Variants in DAAM1 observed in about 807,000 individuals in gnomAD.
DAAM1 encodes dishevelled associated activator of morphogenesis 1.
DAAM1 carries 52 observed loss-of-function variants against 130.0 expected under a neutral mutation model. The observed-to-expected ratio is 0.40, with a 90% confidence interval of 0.32 to 0.50. The LOEUF (loss-of-function observed/expected upper bound fraction) is 0.50, where lower values mean the gene tolerates loss of function less well. DAAM1 is among the 20% of genes least tolerant of loss of function. The pLI, the probability that DAAM1 is intolerant of heterozygous loss-of-function variation, is 0.61. For missense variants in DAAM1, 1,134 were observed against 1,303.8 expected, an observed-to-expected ratio of 0.87 and a Z score of 2.01; for synonymous variants, 452 against 444.5, an observed-to-expected ratio of 1.02 and a Z score of -0.21.
Position 59,370,421 on chromosome 14 carries a change from G to A in DAAM1, c.*1562G>A, listed in dbSNP as rs572427633. On this transcript the variant is annotated 3_prime_UTR_variant, in exon 25 of 25. Coordinates refer to ENST00000360909, the MANE Select transcript of DAAM1 (RefSeq NM_001270520.2). ...CCCCAAAGAGCTTATATTCTAATGG[G>A]GATATTAAGGGATGAATAGAATACC... is the stretch of plus-strand genomic sequence containing the variant. 1 of 151,886 alleles carries A rather than the reference G, an allele frequency of 6.6e-6. No homozygotes were observed. Among genetic ancestry groups the A allele is most frequent in the East Asian group, 1.9e-4 (1 of 5,172 alleles). The allele number at this position is 151,886 out of a possible 1,614,324, so 9.4% of individuals were successfully genotyped here.
chr14:59,277,179 T>C (rs1456741834), intron 2 of DAAM1, among the ~76,000 whole-genome samples: 1 of 152,222 alleles, frequency 6.6e-6, no homozygotes, highest in African/African-American at 2.4e-5. Flanking sequence ...TCTTCCAAAG[T>C]GTTAGTCTTT....
intron 4 of DAAM1, among the ~76,000 whole-genome samples, chr14:59,316,422 T>C (rs947950349): frequency 6.6e-6 from 1 of 152,210 alleles, no homozygotes; most frequent in African/African-American, 2.4e-5. Context: ...TCCTCTTTTT[T>C]AGCTTTTTTC....
chr14:59,262,407 C>A (rs563502304), intron 1 of DAAM1, among the ~76,000 whole-genome samples: 2 of 151,804 alleles, frequency 1.3e-5, no homozygotes, highest in East Asian at 3.9e-4. Flanking sequence ...TAAAACATAC[C>A]CTCTATCATC....
chr14:59,345,997 C>A (rs1886064357), intron 16 of DAAM1, among the ~76,000 whole-genome samples: 1 of 152,088 alleles, frequency 6.6e-6, no homozygotes, highest in Admixed American at 6.6e-5. Flanking sequence ...CTTTGTTTTT[C>A]TAGTATAAAA....
chr14:59,364,112 T>C (rs974229058), intron 23 of DAAM1, among the ~76,000 whole-genome samples: 2 of 152,186 alleles, frequency 1.3e-5, no homozygotes, highest in Admixed American at 1.3e-4. Flanking sequence ...TGGCTTGAAG[T>C]ACTTATCTCT....
intron 1 of DAAM1, among the ~76,000 whole-genome samples, chr14:59,200,028 G>A (rs1003975856): frequency 2.0e-5 from 3 of 152,232 alleles, no homozygotes; most frequent in African/African-American, 7.2e-5. Flanking sequence ...CTGGGAAACT[G>A]CGCCACCCTG....
At chr14:59,278,583 A>G (rs1312961542) in intron 2 of DAAM1, among the ~76,000 whole-genome samples, 1 of 152,180 alleles carries the variant, frequency 6.6e-6, no homozygotes, top group Non-Finnish European at 1.5e-5. Flanking sequence ...GGACACTACT[A>G]TACTTTTCTG....
intron 1 of DAAM1, among the ~76,000 whole-genome samples, chr14:59,209,309 A>G (rs1171512550): frequency 6.6e-6 from 1 of 152,214 alleles, no homozygotes. Context: ...ACAGTACAAG[A>G]TAACCATTTT....
At chr14:59,193,250 T>C (rs1887786794) in intron 1 of DAAM1, among the ~76,000 whole-genome samples, 1 of 152,202 alleles carries the variant, frequency 6.6e-6, no homozygotes, top group Admixed American at 6.5e-5. Flanking sequence ...AAGTGTACTG[T>C]CTTTTATGTA....
intron 2 of DAAM1, among the ~76,000 whole-genome samples, chr14:59,289,211 G>A (rs1883607213): frequency 6.6e-6 from 1 of 151,938 alleles, no homozygotes; most frequent in Non-Finnish European, 1.5e-5. Context: ...CACCACACCC[G>A]GCCCAACCAC....
chr14:59,305,939 C>T (rs1166939385), intron 3 of DAAM1, among the ~76,000 whole-genome samples: 2 of 152,150 alleles, frequency 1.3e-5, no homozygotes, highest in Non-Finnish European at 2.9e-5. Context: ...ACATTTTGTG[C>T]TCTCAAGGAA....
chr14:59,307,885 C>T (rs2139594048), intron 3 of DAAM1, among the ~76,000 whole-genome samples: 1 of 152,240 alleles, frequency 6.6e-6, no homozygotes, highest in South Asian at 2.1e-4. Flanking sequence ...ATTTTGTTAA[C>T]CTAGATTTAT....
At chr14:59,201,159 TCA>T (rs1491354294) in intron 1 of DAAM1, among the ~76,000 whole-genome samples, 1 of 41,528 alleles carries the variant, frequency 2.4e-5, no homozygotes, top group Non-Finnish European at 4.5e-5. Flanking sequence ...AGACTCCGTC[TCA>T]AAAAAAAAAA....
chr14:59,367,576 C>A lies in DAAM1; in HGVS notation c.2974C>A (p.Arg992Ser). 2 of 1,613,594 alleles carry A rather than the reference C, an allele frequency of 1.2e-6. No homozygotes were observed. The highest frequency in any genetic ancestry group is 1.7e-6 in the Non-Finnish European group (2 of 1,179,780). The change falls in exon 24 of 25, where the codon CGT becomes AGT. Residue 992 changes from arginine to serine, a missense_variant. Physicochemically the swap from Arg to Ser is moderately radical, Grantham distance 110. Coordinates refer to ENST00000360909, the MANE Select transcript of DAAM1 (RefSeq NM_001270520.2). ...GAGAAAGAAAAAGGAGGAAGAAGAA[C>A]GTCGAGCTCGCATGGAAGCTCAGGT... ...NMRKKKEEEE[R>S]RARMEAQLKE... is the part of the protein sequence containing the mutation.
At chr14:59,189,331 A>T (rs1316861562) in intron 1 of DAAM1, among the ~76,000 whole-genome samples, 1 of 152,206 alleles carries the variant, frequency 6.6e-6, no homozygotes, top group African/African-American at 2.4e-5. Flanking sequence ...TTCGAAAGGG[A>T]CGGAGCGCCT....
chr14:59,257,120 G>C (rs1881930171), intron 1 of DAAM1, among the ~76,000 whole-genome samples: 2 of 152,080 alleles, frequency 1.3e-5, no homozygotes, highest in African/African-American at 4.8e-5. Flanking sequence ...CAGAAAGCTT[G>C]ACAAGTGCCT....
intron 1 of DAAM1, among the ~76,000 whole-genome samples, chr14:59,205,045 T>G (rs1458558688): frequency 6.6e-6 from 1 of 152,218 alleles, no homozygotes; most frequent in East Asian, 1.9e-4. Context: ...ATTTTATTAT[T>G]GAACATTTCC....
In DAAM1 at chr14:59,347,616, T is replaced by C. The variant is rs761432946; in HGVS notation, c.2153T>C (p.Leu718Ser). ...DEQEDLPKDM[L>S]EQLLKFVPEK... ...CAGGAAGATCTGCCCAAGGACATGT[T>C]GGAACAGGTGAGCTACCAGATGTAT... The change falls in exon 17 of 25, where the codon TTG becomes TCG. Residue 718 changes from leucine to serine, a missense_variant. Leu to Ser is a moderately radical substitution (Grantham distance 145). Coordinates refer to ENST00000360909, the MANE Select transcript of DAAM1 (RefSeq NM_001270520.2). 8.7e-6 allele frequency: 14 copies of C among 1,613,574 alleles called. No homozygotes were observed. Among genetic ancestry groups the C allele is most frequent in the Admixed American group, 1.7e-5 (1 of 59,990 alleles).
chr14:59,353,210 T>C (rs142983798), intron 18 of DAAM1, among the ~76,000 whole-genome samples: 1 of 152,206 alleles, frequency 6.6e-6, no homozygotes, highest in East Asian at 1.9e-4. Flanking sequence ...GTTTGGCATA[T>C]GAGCTAAGTC....
Sources: gnomAD v4.1 joint callset for allele counts (sites outside exome capture counted in the v4.1 genomes callset) on GRCh38, gnomAD v4.1.1 for gene constraint, MANE v1.5 for transcripts, NCBI Gene and HGNC (gene_info 2026-07-23, HGNC 2026-07-21) for gene names.